PCDHA8: variants seen among roughly 807,000 people sequenced by gnomAD.
The protein encoded by PCDHA8 is protocadherin alpha 8.
In PCDHA8, 53 loss-of-function variants were observed where a neutral mutation model predicts 61.8. The ratio of observed to expected loss-of-function variants is 0.86; its 90% CI spans 0.69 to 1.08. The LOEUF (loss-of-function observed/expected upper bound fraction) is 1.08. Ranked by LOEUF, PCDHA8 falls within the 50% of genes least tolerant of loss-of-function variation. The pLI is 0.00. For missense variants in PCDHA8, 1,293 were observed against 1,245.0 expected (o/e 1.04, Z -0.58); for synonymous variants, 618 against 556.6 (o/e 1.11, Z -1.55).
At position 141,011,407 on chromosome 5, in the gene PCDHA8, G is replaced by A. The variant is rs782613069; in HGVS notation, c.*1470G>A. On this transcript the variant is annotated 3_prime_UTR_variant, in exon 4 of 4. Coordinates refer to ENST00000531613, the MANE Select transcript of PCDHA8 (RefSeq NM_018911.3). ...TGAAATATACTTACTCTGTGCTTGT[G>A]TATGTGAATGTTAATGCAACTATTA... is the stretch of plus-strand genomic sequence containing the variant. The A allele has an allele frequency of 2.0e-5, 3 of 153,718 alleles. No individual in the cohort carries two copies. The highest frequency in any genetic ancestry group is 6.5e-5 in the Admixed American group (1 of 15,284). The allele number at this position is 153,718 out of a possible 1,614,324, so 9.5% of individuals were successfully genotyped here.
intron 1 of PCDHA8, among the ~76,000 whole-genome samples, chr5:140,919,511 G>A (rs782614998): frequency 1.3e-5 from 2 of 151,848 alleles, no homozygotes; most frequent in Non-Finnish European, 2.9e-5. Flanking sequence ...TTTTCTATAT[G>A]TTTTAATTCT....
At chr5:140,894,193 T>G (rs1481492058) in intron 1 of PCDHA8, among the ~76,000 whole-genome samples, 1 of 152,170 alleles carries the variant, frequency 6.6e-6, no homozygotes, top group Non-Finnish European at 1.5e-5. Context: ...TATATATTTT[T>G]TCTATGCTAT....
chr5:140,946,648 C>A (rs1195536248), intron 1 of PCDHA8, among the ~76,000 whole-genome samples: 2 of 99,274 alleles, frequency 2.0e-5, no homozygotes, highest in African/African-American at 1.2e-4. Flanking sequence ...GAATACTCAT[C>A]AGCCATTAGA....
chr5:140,877,463 C>T (rs782373755), intron 1 of PCDHA8: 1 of 1,613,772 alleles, frequency 6.2e-7, no homozygotes, highest in East Asian at 2.2e-5. Flanking sequence ...TCCACGGCCA[C>T]GGTGCTGGTG....
intron 1 of PCDHA8, chr5:140,850,438 T>A: frequency 6.3e-7 from 1 of 1,597,768 alleles, no homozygotes; most frequent in Non-Finnish European, 8.6e-7. Context: ...CAGCGCCTAC[T>A]GGTGCTGGTG....
intron 2 of PCDHA8, among the ~76,000 whole-genome samples, chr5:140,980,144 T>C (rs2096877989): frequency 6.6e-6 from 1 of 152,172 alleles, no homozygotes; most frequent in Admixed American, 6.6e-5. Flanking sequence ...GAAACATTCA[T>C]GCATATACCA....
chr5:141,007,348 C>T (rs1300636691), intron 3 of PCDHA8, among the ~76,000 whole-genome samples: 3 of 142,438 alleles, frequency 2.1e-5, no homozygotes, highest in African/African-American at 5.3e-5. Context: ...CTCAGGAGTT[C>T]GAGACCAGCC....
intron 3 of PCDHA8, among the ~76,000 whole-genome samples, chr5:140,997,614 A>G (rs1355709943): frequency 6.6e-6 from 1 of 152,148 alleles, no homozygotes; most frequent in Admixed American, 6.6e-5. Context: ...GCATGACTAT[A>G]TAGAGATTTT....
intron 1 of PCDHA8, among the ~76,000 whole-genome samples, chr5:140,855,119 T>C (rs2043346913): frequency 1.3e-5 from 2 of 149,812 alleles, no homozygotes; most frequent in African/African-American, 4.9e-5. Flanking sequence ...AGGCATTCTA[T>C]AGGTAATAAT....
At chr5:140,997,476 A>G (rs782742177) in intron 3 of PCDHA8, among the ~76,000 whole-genome samples, 1 of 152,196 alleles carries the variant, frequency 6.6e-6, no homozygotes, top group Admixed American at 6.5e-5. Flanking sequence ...TTTTTACACA[A>G]TGATAAGTAT....
intron 1 of PCDHA8, chr5:140,967,045 C>T: frequency 6.2e-7 from 1 of 1,612,250 alleles, no homozygotes. Flanking sequence ...TGGAGCTGGA[C>T]CTGACGAGTG....
rs79831933 is a variant in PCDHA8, at chr5:140,933,507, A to G, written c.2395-45442A>G. ...TATTCTTTAGAATTGTTAAGCAAAG[A>G]CTACAGCTGTTTTGTTTAAACTCAA... On this transcript the variant is annotated intron_variant, in intron 1 of 3. Transcript: ENST00000531613. 5.9e-3 allele frequency among the ~76,000 whole-genome samples: 898 copies of G among 152,170 alleles called. 13 individuals carry two copies. Among genetic ancestry groups the G allele is most frequent in the African/African-American group, 0.02 (841 of 41,572 alleles).
At chr5:140,884,158 G>T (rs376345503) in intron 1 of PCDHA8, 6 of 1,613,488 alleles carry the variant, frequency 3.7e-6, no homozygotes, top group Non-Finnish European at 5.1e-6. Context: ...ACACTGGCGA[G>T]ATCAGCACGA....
At chr5:140,870,299 C>T (rs62622798) in intron 1 of PCDHA8, 44,120 of 1,614,102 alleles carry the variant, frequency 0.027, 770 homozygotes, top group Admixed American at 0.064. Flanking sequence ...CTGGTGTCCA[C>T]CTTCAAGAAT....
At chr5:140,885,267 C>CAT (rs1219745687) in intron 1 of PCDHA8, among the ~76,000 whole-genome samples, 1 of 151,978 alleles carries the variant, frequency 6.6e-6, no homozygotes, top group East Asian at 1.9e-4. Context: ...ATTACTCATA[C>CAT]ATATATATAT....
Position 140,842,532 on chromosome 5 carries a change from A to G in PCDHA8, c.1211A>G (p.Tyr404Cys). Residue 404 changes from tyrosine (Y) to cysteine (C), a missense_variant, in exon 1 of 4, where the codon TAC (tyrosine) becomes TGC (cysteine). Physicochemically the swap from Tyr to Cys is radical, Grantham distance 194. Transcript: ENST00000531613. ...AAGCTGGTGTCCACCTTCAAGAATT[A>G]CTACTCGTTGGTGCTGGACAGCGCC... ...PFKLVSTFKN[Y>C]YSLVLDSALD... 6.2e-7 allele frequency: 1 copy of G among 1,613,066 alleles called. No individual in the cohort carries two copies. Among genetic ancestry groups the G allele is most frequent in the African/African-American group, 1.3e-5 (1 of 74,936 alleles).
intron 1 of PCDHA8, among the ~76,000 whole-genome samples, chr5:140,916,270 G>A (rs1487301756): frequency 1.3e-5 from 2 of 152,180 alleles, no homozygotes; most frequent in Admixed American, 1.3e-4. Flanking sequence ...GAGCATGCTT[G>A]TTGCTCTACT....
intron 1 of PCDHA8, chr5:140,882,808 G>A (rs1554175666): frequency 6.2e-7 from 1 of 1,614,208 alleles, no homozygotes; most frequent in Non-Finnish European, 8.5e-7. Flanking sequence ...ATTTCACTTT[G>A]GACGCACAAA....
intron 1 of PCDHA8, chr5:140,876,755 G>C (rs782037862): frequency 1.9e-6 from 3 of 1,614,248 alleles, no homozygotes; most frequent in Non-Finnish European, 1.7e-6. Flanking sequence ...GTGACTGCGC[G>C]GGATGGGGGC....
Sources: allele counts gnomAD v4.1 joint callset (sites outside exome capture counted in the v4.1 genomes callset), GRCh38; gene constraint gnomAD v4.1.1; transcripts MANE v1.5; gene names NCBI Gene and HGNC (gene_info 2026-07-23, HGNC 2026-07-21).